The following RNF152 variants were observed in gnomAD, a reference collection of about 807,000 sequenced individuals.
The protein encoded by RNF152 is ring finger protein 152, also known as E3 ubiquitin-protein ligase RNF152.
Under a neutral mutation model 12.7 loss-of-function variants are expected in RNF152, and 11 were observed. That is an observed-to-expected ratio of 0.86 (90% confidence interval 0.54 to 1.43). The LOEUF is 1.43. Among genes scored for constraint, RNF152 ranks in the 40% most tolerant of loss-of-function variants. RNF152 has a pLI of 0.00. For missense variants in RNF152, 255 were observed against 274.8 expected (o/e 0.93, Z 0.51); for synonymous variants, 113 against 120.3 (o/e 0.94, Z 0.40).
chr18:61,859,879 A>G (rs1184942446), intron 1 of RNF152, among the ~76,000 whole-genome samples: 1 of 151,328 alleles, frequency 6.6e-6, no homozygotes, highest in Non-Finnish European at 1.5e-5. Flanking sequence ...CACCTCAAAG[A>G]AAAAAGAAAA....
chr18:61,858,082 T>C (rs1911306733), intron 1 of RNF152, among the ~76,000 whole-genome samples: 2 of 152,202 alleles, frequency 1.3e-5, no homozygotes, highest in Non-Finnish European at 2.9e-5. Flanking sequence ...AATCTCCCTC[T>C]GCAGCCACAT....
chr18:61,835,371 G>A (rs907797331), intron 1 of RNF152, among the ~76,000 whole-genome samples: 4 of 152,166 alleles, frequency 2.6e-5, no homozygotes, highest in African/African-American at 9.6e-5. Flanking sequence ...TGGAATAGGA[G>A]CCAGGTTATA....
At chr18:61,836,820 C>T (rs929963833) in intron 1 of RNF152, among the ~76,000 whole-genome samples, 2 of 152,086 alleles carry the variant, frequency 1.3e-5, no homozygotes, top group Non-Finnish European at 2.9e-5. Flanking sequence ...AGGGGGATTA[C>T]AATTAACTAA....
At chr18:61,834,444 A>C (rs1183280632) in intron 1 of RNF152, among the ~76,000 whole-genome samples, 1 of 152,196 alleles carries the variant, frequency 6.6e-6, no homozygotes, top group Non-Finnish European at 1.5e-5. Context: ...AGTCTCCCAC[A>C]CTGAAAAGTG....
chr18:61,868,343 A>T (rs1030483895), intron 1 of RNF152, among the ~76,000 whole-genome samples: 2 of 152,234 alleles, frequency 1.3e-5, no homozygotes, highest in Non-Finnish European at 2.9e-5. Context: ...CACAGGACAG[A>T]GGTAAACCCA....
At chr18:61,829,176 C>T (rs1019250615) in intron 1 of RNF152, among the ~76,000 whole-genome samples, 12 of 152,134 alleles carry the variant, frequency 7.9e-5, no homozygotes, top group African/African-American at 2.7e-4. Flanking sequence ...GGGCAGCACA[C>T]GGCAGGTGGT....
intron 1 of RNF152, among the ~76,000 whole-genome samples, chr18:61,844,138 G>GAAATAAAT (rs1555702413): frequency 7.8e-6 from 1 of 127,878 alleles, no homozygotes; most frequent in East Asian, 2.4e-4. Flanking sequence ...AAGAAAGAAA[G>GAAATAAAT]AAATTAAGAG....
chr18:61,879,824 G>A (rs1460372488), intron 1 of RNF152, among the ~76,000 whole-genome samples: 2 of 152,038 alleles, frequency 1.3e-5, no homozygotes, highest in East Asian at 1.9e-4. Flanking sequence ...AATTAGCCAG[G>A]TGTGGTGGCG....
chr18:61,871,318 A>AC (rs1911987338), intron 1 of RNF152, among the ~76,000 whole-genome samples: 1 of 151,642 alleles, frequency 6.6e-6, no homozygotes, highest in Admixed American at 6.6e-5. Context: ...CTGGATTCCC[A>AC]CCTTAGACTA....
intron 1 of RNF152, among the ~76,000 whole-genome samples, chr18:61,829,114 C>G (rs767929611): frequency 6.6e-6 from 1 of 152,096 alleles, no homozygotes; most frequent in African/African-American, 2.4e-5. Flanking sequence ...GTCAAATACC[C>G]CTGCAATAGA....
chr18:61,816,345 T>G lies in RNF152; in HGVS notation c.119A>C (p.Gln40Pro). The G allele has an allele frequency of 1.2e-5, 19 of 1,614,242 alleles. No homozygotes were observed. The highest frequency in any genetic ancestry group is 1.6e-5 in the Non-Finnish European group (19 of 1,180,046). Residue 40 changes from glutamine to proline, a missense_variant, in exon 2 of 2, where the codon CAG (glutamine) becomes CCG (proline). By Grantham distance (76) the Gln-to-Pro change is moderately conservative (BLOSUM62 -1). Transcript: ENST00000312828. ...ATCCTTCTGGCTGGTCCTCATCTGC[T>G]GCAGGCACACTGAACAGCAGGTGTG... ...CKHTCCSVCL[Q>P]QMRTSQKDVR...
chr18:61,875,159 G>A (rs1291581241), intron 1 of RNF152: 2 of 152,188 alleles, frequency 1.3e-5, no homozygotes, highest in Non-Finnish European at 2.9e-5. Context: ...AGGGAAGGCA[G>A]GCATTCTAAA....
intron 1 of RNF152, among the ~76,000 whole-genome samples, chr18:61,857,189 C>T (rs1469752932): frequency 2.0e-5 from 3 of 152,102 alleles, no homozygotes; most frequent in Non-Finnish European, 4.4e-5. Flanking sequence ...TCTCCATTAT[C>T]CCCAACACTG....
intron 1 of RNF152, 123 bp downstream of exon 1, chr18:61,892,672 C>A (rs561577283): frequency 5.9e-5 from 9 of 152,306 alleles, no homozygotes; most frequent in African/African-American, 2.2e-4. Flanking sequence ...TTTAGCAGCC[C>A]CCACACCTTC....
intron 1 of RNF152, among the ~76,000 whole-genome samples, chr18:61,875,494 G>C (rs1385339645): frequency 6.6e-6 from 1 of 152,088 alleles, no homozygotes; most frequent in Non-Finnish European, 1.5e-5. Context: ...TACATGGTCA[G>C]CTCTCTAGAG....
chr18:61,844,092 A>AAG (rs1491246935), intron 1 of RNF152, among the ~76,000 whole-genome samples: 1 of 110,974 alleles, frequency 9.0e-6, no homozygotes, highest in African/African-American at 3.0e-5. Context: ...GAAAGAAAGA[A>AAG]AGAAAGAAAG....
intron 1 of RNF152, among the ~76,000 whole-genome samples, chr18:61,843,338 G>C (rs1042894996): frequency 6.6e-6 from 1 of 152,176 alleles, no homozygotes; most frequent in African/African-American, 2.4e-5. Context: ...CTTCAGGATT[G>C]TTGGCTATTG....
rs992222431 is a variant in RNF152 at position 61,815,056 on chromosome 18, A to G, written c.*796T>C. 1 of 152,640 alleles carries G rather than the reference A, an allele frequency of 6.6e-6. No individual in the cohort carries two copies. The highest frequency in any genetic ancestry group is 6.5e-5 in the Admixed American group (1 of 15,276). 9.5% of individuals were successfully genotyped at this position (152,640 alleles called of 1,614,324 possible). On this transcript the variant is annotated 3_prime_UTR_variant, in exon 2 of 2. Coordinates refer to ENST00000312828, the MANE Select transcript of RNF152 (RefSeq NM_173557.3). ...ATTAGACACACACACATACACACAC[A>G]AATACACAATATTTACATTTGAAAT...
intron 1 of RNF152, among the ~76,000 whole-genome samples, chr18:61,854,805 G>T (rs1230140631): frequency 6.6e-6 from 1 of 152,112 alleles, no homozygotes; most frequent in Non-Finnish European, 1.5e-5. Context: ...AGCAAAGCTC[G>T]CTGCCAAGCT....
Sources: allele counts gnomAD v4.1 joint callset (sites outside exome capture counted in the v4.1 genomes callset), GRCh38; gene constraint gnomAD v4.1.1; transcripts MANE v1.5; gene names NCBI Gene and HGNC (gene_info 2026-07-23, HGNC 2026-07-21).